Variants in DYNC2H1 observed in about 807,000 individuals in gnomAD.
DYNC2H1 encodes the protein cytoplasmic dynein 2 heavy chain 1.
In DYNC2H1, 410 loss-of-function variants were observed where a neutral mutation model predicts 570.0. The ratio of observed to expected loss-of-function variants is 0.72; its 90% CI spans 0.66 to 0.78. DYNC2H1 has a LOEUF of 0.78. Among genes scored for constraint, DYNC2H1 ranks in the 30% least tolerant of loss-of-function variants. DYNC2H1 has a pLI of 0.00. For synonymous variants in DYNC2H1, 1,688 were observed against 1,677.6 expected, an observed-to-expected ratio of 1.01 and a Z score of -0.15; for missense variants, 4,865 against 5,046.4, an observed-to-expected ratio of 0.96 and a Z score of 1.09.
At chr11:103,417,544 C>T (rs1183704256) in intron 84 of DYNC2H1, among the ~76,000 whole-genome samples, 2 of 152,036 alleles carry the variant, frequency 1.3e-5, no homozygotes, top group African/African-American at 2.4e-5. Context: ...ATGGATAATG[C>T]ATCATCCCCA....
In DYNC2H1 at chr11:103,308,650, C is replaced by A. The variant is rs76386370; in HGVS notation, c.11493+819C>A. Among the ~76,000 whole-genome samples the A allele has an allele frequency of 4.2e-3, 638 of 152,240 alleles. 3 individuals are homozygous for A. Among genetic ancestry groups the A allele is most frequent in the African/African-American group, 0.014 (592 of 41,558 alleles). On this transcript the variant is annotated intron_variant, in intron 78 of 88. Transcript: ENST00000375735. ...CAATTTGTCCACATCCTCACCAACA[C>A]TTTTCTTTGAGTGTGTGTGTTTAAT... is the stretch of plus-strand genomic sequence containing the variant.
Position 103,205,225 on chromosome 11 carries a change from C to T in DYNC2H1, c.8454+261C>T, listed in dbSNP as rs1007704481. Among the ~76,000 whole-genome samples the T allele has an allele frequency of 6.2e-4, 94 of 151,826 alleles. 1 individual carries two copies. Among genetic ancestry groups the T allele is most frequent in the African/African-American group, 2.2e-3 (92 of 41,360 alleles). On this transcript the variant is annotated intron_variant, in intron 52 of 88. Transcript: ENST00000375735. The surrounding 1 kb of genome is among the most constrained non-coding windows in gnomAD (Gnocchi z 4.5). ...AAATTTTATGGCTTTAATTAACTAG[C>T]CTATTACAGGCTGTCCTAGATTTTT...
rs1259771475 is a variant in DYNC2H1, at chr11:103,395,705, A to G, written c.12157-3958A>G. ...TGTTTGGTCATGCTGCCATCCCTGAACCAGTCACTGTGGTCAAGAGAATGG... is the reference window on the plus strand; with the variant it reads ...TGTTTGGTCATGCTGCCATCCCTGAGCCAGTCACTGTGGTCAAGAGAATGG... On this transcript the variant is annotated intron_variant, in intron 83 of 88. Transcript: ENST00000375735. This position sits in a 1 kb window ranked among gnomAD's most constrained non-coding sequence, Gnocchi z 4.3. 1.3e-5 allele frequency among the ~76,000 whole-genome samples: 2 copies of G among 152,136 alleles called. No homozygotes were observed. Among genetic ancestry groups the G allele is most frequent in the Admixed American group, 6.6e-5 (1 of 15,264 alleles).
At chr11:103,432,215 G>C (rs746985319) in intron 84 of DYNC2H1, among the ~76,000 whole-genome samples, 3 of 152,060 alleles carry the variant, frequency 2.0e-5, no homozygotes, top group African/African-American at 2.4e-5. Flanking sequence ...TTGTTACGTA[G>C]AATAAGAGAA....
At chr11:103,257,159 A>G (rs763470689) in intron 68 of DYNC2H1, among the ~76,000 whole-genome samples, 6 of 152,150 alleles carry the variant, frequency 3.9e-5, no homozygotes, top group Non-Finnish European at 5.9e-5. Context: ...GTAACCTTAT[A>G]AAAGAAGGCC....
At chr11:103,137,585 T>C (rs1321698972) in intron 17 of DYNC2H1, among the ~76,000 whole-genome samples, 1 of 152,216 alleles carries the variant, frequency 6.6e-6, no homozygotes, top group East Asian at 1.9e-4. Flanking sequence ...CATTGATCTA[T>C]ATCTCTGTTT....
Position 103,115,304 on chromosome 11 carries a change from T to C in DYNC2H1, c.621+9T>C, listed in dbSNP as rs775008223. 1.3e-6 allele frequency: 2 copies of C among 1,543,180 alleles called. No individual in the cohort carries two copies. The highest frequency in any genetic ancestry group is 1.7e-4 in the Middle Eastern group (1 of 5,868). On this transcript the variant is annotated intron_variant, in intron 4 of 88. Transcript: ENST00000375735. ...TTGAAACAATTGCAAGAGTATGTGATTCATAAATGGTGATATATTGGGCTT... is the reference window on the plus strand; with the variant it reads ...TTGAAACAATTGCAAGAGTATGTGACTCATAAATGGTGATATATTGGGCTT...
At chr11:103,110,417 G>T (rs541250197) in intron 1 of DYNC2H1, among the ~76,000 whole-genome samples, 233 of 148,448 alleles carry the variant, frequency 1.6e-3, no homozygotes, top group African/African-American at 5.3e-3. Flanking sequence ...TTTTTTTTTT[G>T]GGGGGAAGGC....
intron 12 of DYNC2H1, among the ~76,000 whole-genome samples, chr11:103,128,407 G>A (rs1263497741): frequency 6.6e-6 from 1 of 152,172 alleles, no homozygotes; most frequent in Admixed American, 6.5e-5. Flanking sequence ...ATTGATGGGG[G>A]TTGGGGAAAG....
chr11:103,397,936 T>C (rs1360511568), intron 83 of DYNC2H1, among the ~76,000 whole-genome samples: 1 of 152,202 alleles, frequency 6.6e-6, no homozygotes, highest in South Asian at 2.1e-4. Flanking sequence ...CTACCTATTT[T>C]CTTGGATTGT....
At chr11:103,427,898 G>A (rs945037354) in intron 84 of DYNC2H1, among the ~76,000 whole-genome samples, 3 of 151,854 alleles carry the variant, frequency 2.0e-5, no homozygotes, top group African/African-American at 7.3e-5. Flanking sequence ...CACATTTTGA[G>A]TAGAATTTAT....
intron 84 of DYNC2H1, among the ~76,000 whole-genome samples, chr11:103,430,290 A>G (rs1943841407): frequency 6.6e-6 from 1 of 152,102 alleles, no homozygotes; most frequent in African/African-American, 2.4e-5. Flanking sequence ...CAGTTTCCAG[A>G]TATTTGAAAT....
intron 83 of DYNC2H1, among the ~76,000 whole-genome samples, chr11:103,390,461 T>A (rs922547141): frequency 3.3e-5 from 5 of 152,154 alleles, no homozygotes; most frequent in African/African-American, 1.2e-4. Flanking sequence ...AATTTACCAG[T>A]CTGTGTCTTT....
intron 50 of DYNC2H1, among the ~76,000 whole-genome samples, chr11:103,200,658 A>C (rs1306506872): frequency 6.6e-6 from 1 of 152,210 alleles, no homozygotes; most frequent in Non-Finnish European, 1.5e-5. Context: ...GGATATATGA[A>C]TATACATATA....
intron 83 of DYNC2H1, among the ~76,000 whole-genome samples, chr11:103,376,743 C>A (rs942919802): frequency 6.6e-6 from 1 of 150,506 alleles, no homozygotes; most frequent in Admixed American, 6.7e-5. Context: ...AGAGCAATTC[C>A]GTATTCTTTG....
intron 84 of DYNC2H1, among the ~76,000 whole-genome samples, chr11:103,414,375 C>T (rs1223403389): frequency 6.6e-6 from 1 of 151,344 alleles, no homozygotes; most frequent in Non-Finnish European, 1.5e-5. Flanking sequence ...AATCCCAGCA[C>T]TTTGGGAGGC....
At position 103,260,832 on chromosome 11, in the gene DYNC2H1, G is replaced by C. The variant is rs188643989; in HGVS notation, c.10695+855G>C. 4.0e-5 allele frequency among the ~76,000 whole-genome samples: 6 copies of C among 151,724 alleles called. No individual in the cohort carries two copies. The East Asian group carries it at 1.2e-3, about 30-fold the overall frequency. ...AGAGGGATTCACCATGTTGACCAGGGTGTCTCGAACTCCTGGCCTCATGTG... is the reference window on the plus strand; with the variant it reads ...AGAGGGATTCACCATGTTGACCAGGCTGTCTCGAACTCCTGGCCTCATGTG... On this transcript the variant is annotated intron_variant, in intron 70 of 88. Transcript: ENST00000375735.
In DYNC2H1 at chr11:103,259,924, A is replaced by T; in HGVS notation, c.10642A>T (p.Ile3548Phe). 1.3e-6 allele frequency: 2 copies of T among 1,549,542 alleles called. No individual in the cohort carries two copies. The highest frequency in any genetic ancestry group is 2.5e-5 in the South Asian group (2 of 80,994). ...TACAGAACAGAGAATCCAGTCACTT[A>T]TCAGCTCATTACAACATATGGTATA... ...ENTEQRIQSL[I>F]SSLQHMVYEY... The change falls in exon 70 of 89, where the codon ATC (isoleucine) becomes TTC (phenylalanine). Residue 3548 changes from isoleucine to phenylalanine, a missense_variant. By Grantham distance (21) the Ile-to-Phe change is conservative. Around this residue, in one of 5 missense-constraint regions of DYNC2H1, gnomAD observed 2,401 missense variants for 2,454.6 expected, o/e 0.98. Coordinates refer to ENST00000375735, the MANE Select transcript of DYNC2H1 (RefSeq NM_001377.3).
chr11:103,385,044 A>G (rs1049390507), intron 83 of DYNC2H1, among the ~76,000 whole-genome samples: 2 of 151,958 alleles, frequency 1.3e-5, no homozygotes, highest in Non-Finnish European at 2.9e-5. Context: ...TGAGAAGTCA[A>G]TTTTTGCTTC....
Sources: gnomAD v4.1 joint callset for allele counts (sites outside exome capture counted in the v4.1 genomes callset) on GRCh38, gnomAD v4.1.1 for gene constraint, gnomAD v4.1.1 regional missense constraint, Gnocchi (gnomAD v3.1) non-coding constraint, MANE v1.5 for transcripts, NCBI Gene and HGNC (gene_info 2026-07-23, HGNC 2026-07-21) for gene names.